Variants in SLC2A13 observed in about 807,000 individuals in gnomAD.
The protein encoded by SLC2A13 is solute carrier family 2 member 13, also known as proton myo-inositol cotransporter.
Under a neutral mutation model 64.4 loss-of-function variants are expected in SLC2A13, and 32 were observed. The observed-to-expected ratio is 0.50, with a 90% confidence interval of 0.37 to 0.67. SLC2A13 has a LOEUF of 0.67. Among genes scored for constraint, SLC2A13 ranks in the 30% least tolerant of loss-of-function variants. The pLI is 0.00. For synonymous variants in SLC2A13, 338 were observed against 327.1 expected, an observed-to-expected ratio of 1.03 and a Z score of -0.36; for missense variants, 743 against 829.2, an observed-to-expected ratio of 0.90 and a Z score of 1.28.
intron 7 of SLC2A13, among the ~76,000 whole-genome samples, chr12:39,820,523 G>A (rs1036336606): frequency 1.3e-5 from 2 of 152,036 alleles, no homozygotes; most frequent in African/African-American, 4.8e-5. Flanking sequence ...AACTAGCACT[G>A]AAACCAAGAG....
chr12:39,780,422 T>G (rs1476561307), intron 7 of SLC2A13, among the ~76,000 whole-genome samples: 1 of 152,214 alleles, frequency 6.6e-6, no homozygotes, highest in Non-Finnish European at 1.5e-5. Context: ...TTAGCATTCT[T>G]TTTAATAACA....
chr12:40,030,448 T>C (rs1947887280), intron 2 of SLC2A13, among the ~76,000 whole-genome samples: 1 of 152,198 alleles, frequency 6.6e-6, no homozygotes, highest in Non-Finnish European at 1.5e-5. Flanking sequence ...AAAAGGGATT[T>C]TTCAAGGTAG....
intron 3 of SLC2A13, among the ~76,000 whole-genome samples, chr12:40,000,866 C>T (rs1001562443): frequency 1.2e-4 from 19 of 152,072 alleles, no homozygotes; most frequent in Admixed American, 1.2e-3. Flanking sequence ...GTAGGGGACA[C>T]AATTTATTAC....
At chr12:39,910,920 T>TA (rs1249758462) in intron 4 of SLC2A13, among the ~76,000 whole-genome samples, 4 of 152,062 alleles carry the variant, frequency 2.6e-5, no homozygotes, top group East Asian at 1.9e-4. Context: ...CCGTCTCTAC[T>TA]AAAAATACCA....
intron 2 of SLC2A13, among the ~76,000 whole-genome samples, chr12:40,046,718 C>G (rs1036826280): frequency 6.6e-6 from 1 of 151,786 alleles, no homozygotes; most frequent in African/African-American, 2.4e-5. Flanking sequence ...AAAACTGTGT[C>G]CTCCCCTTAA....
At chr12:39,910,323 G>A (rs1217142393) in intron 4 of SLC2A13, among the ~76,000 whole-genome samples, 1 of 152,032 alleles carries the variant, frequency 6.6e-6, no homozygotes. Context: ...TATACTTACA[G>A]ATGATAAACT....
intron 1 of SLC2A13, among the ~76,000 whole-genome samples, chr12:40,066,087 A>G (rs1182553762): frequency 6.6e-6 from 1 of 152,224 alleles, no homozygotes; most frequent in Non-Finnish European, 1.5e-5. Flanking sequence ...TATTAAACAG[A>G]GCATCCTAAT....
At chr12:39,874,190 T>C (rs1944123672) in intron 4 of SLC2A13, among the ~76,000 whole-genome samples, 1 of 152,192 alleles carries the variant, frequency 6.6e-6, no homozygotes, top group Admixed American at 6.5e-5. Flanking sequence ...TCATAGAGGT[T>C]TGCCAGCAGG....
chr12:39,774,031 A>T (rs1940679386), intron 7 of SLC2A13, among the ~76,000 whole-genome samples: 1 of 152,226 alleles, frequency 6.6e-6, no homozygotes, highest in South Asian at 2.1e-4. Flanking sequence ...CTATCACCTC[A>T]AAACATAGAT....
At chr12:40,092,849 T>C (rs945811888) in intron 1 of SLC2A13, among the ~76,000 whole-genome samples, 1 of 152,202 alleles carries the variant, frequency 6.6e-6, no homozygotes, top group Admixed American at 6.5e-5. Context: ...ACGACTCCAA[T>C]GCCTTTCCAC....
At chr12:39,966,144 G>T (rs900726223) in intron 3 of SLC2A13, among the ~76,000 whole-genome samples, 5 of 151,608 alleles carry the variant, frequency 3.3e-5, no homozygotes, top group African/African-American at 1.2e-4. Context: ...TATATAGAGA[G>T]AGAGAGAGGT....
At chr12:39,900,218 C>A (rs973866637) in intron 4 of SLC2A13, among the ~76,000 whole-genome samples, 21 of 151,984 alleles carry the variant, frequency 1.4e-4, no homozygotes, top group Admixed American at 7.2e-4. Context: ...TCTATGACAA[C>A]CCCACAGCCA....
chr12:39,930,881 G>A (rs1288238408), intron 4 of SLC2A13, among the ~76,000 whole-genome samples: 1 of 152,126 alleles, frequency 6.6e-6, no homozygotes, highest in Non-Finnish European at 1.5e-5. Flanking sequence ...AATCTCCAAA[G>A]CAGTCAAGCA....
intron 4 of SLC2A13, among the ~76,000 whole-genome samples, chr12:39,880,385 G>A (rs1003030784): frequency 3.3e-5 from 5 of 152,096 alleles, no homozygotes; most frequent in Admixed American, 2.6e-4. Context: ...ATATTTTCAT[G>A]TATTTGGTAC....
chr12:39,968,760 G>GTTTATATATATATA lies in SLC2A13; in HGVS notation c.926-17396_926-17395insTATATATATATAAA, dbSNP rs1555144118. On this transcript the variant is annotated intron_variant, in intron 3 of 9. Coordinates refer to ENST00000280871, the MANE Select transcript of SLC2A13 (RefSeq NM_052885.4). ...TTTTTATTTTTGTTGTTTTTTTTTG[G>GTTTATATATATATA]TATATATATATATATATATATATAT... Among the ~76,000 whole-genome samples, 29 of 59,850 alleles carry GTTTATATATATATA rather than the reference G, an allele frequency of 4.8e-4. 1 individual carries two copies. The highest frequency in any genetic ancestry group is 9.5e-4 in the Non-Finnish European group (21 of 22,020). 39.3% of individuals were successfully genotyped at this position (59,850 alleles called of 152,430 possible).
intron 4 of SLC2A13, among the ~76,000 whole-genome samples, chr12:39,926,854 ATTC>A (rs1945739200): frequency 6.6e-6 from 1 of 152,134 alleles, no homozygotes; most frequent in Non-Finnish European, 1.5e-5. Context: ...GGCTCAAGGG[ATTC>A]TCCTGCCTCG....
intron 4 of SLC2A13, among the ~76,000 whole-genome samples, chr12:39,913,802 C>T (rs1188122548): frequency 6.6e-6 from 1 of 151,712 alleles, no homozygotes; most frequent in African/African-American, 2.4e-5. Context: ...CTTTTAGAAA[C>T]GTATCAAGTA....
chr12:39,783,642 TTGTC>T lies in SLC2A13; in HGVS notation c.1446-18788_1446-18785del, dbSNP rs546858612. Among the ~76,000 whole-genome samples, 747 of 152,328 alleles carry T rather than the reference TTGTC, an allele frequency of 4.9e-3. 6 individuals are homozygous for T. Among genetic ancestry groups the T allele is most frequent in the African/African-American group, 0.017 (708 of 41,572 alleles). On this transcript the variant is annotated intron_variant, in intron 7 of 9. Coordinates refer to ENST00000280871, the MANE Select transcript of SLC2A13 (RefSeq NM_052885.4). ...GCCAGTAATGATGAGCATTTTTTCA[TTGTC>T]TGTTGGCTGCATAAATGTCTTCTTT... is the stretch of plus-strand genomic sequence containing the variant.
chr12:39,929,839 G>T (rs11174338), intron 4 of SLC2A13, among the ~76,000 whole-genome samples: 16,719 of 152,138 alleles, frequency 0.11, 992 homozygotes, highest in East Asian at 0.19. Flanking sequence ...GTTAAAGAAT[G>T]CGGCACTTGG....
Sources: allele counts gnomAD v4.1 joint callset (sites outside exome capture counted in the v4.1 genomes callset), GRCh38; gene constraint gnomAD v4.1.1; transcripts MANE v1.5; gene names NCBI Gene and HGNC (gene_info 2026-07-23, HGNC 2026-07-21).